R3HDM1: variants seen among roughly 807,000 people sequenced by gnomAD.
The protein encoded by R3HDM1 is R3H domain containing 1, also known as R3H domain-containing protein 1.
Under a neutral mutation model 141.1 loss-of-function variants are expected in R3HDM1, and 46 were observed. The ratio of observed to expected loss-of-function variants is 0.33; its 90% CI spans 0.26 to 0.42. The LOEUF (loss-of-function observed/expected upper bound fraction) is 0.42. Ranked by LOEUF, R3HDM1 falls within the 10% of genes least tolerant of loss-of-function variation. The pLI is 1.00. For synonymous variants in R3HDM1, 435 were observed against 472.9 expected, an observed-to-expected ratio of 0.92 and a Z score of 1.04; for missense variants, 1,184 against 1,368.3, an observed-to-expected ratio of 0.87 and a Z score of 2.12.
chr2:135,582,785 A>G (rs1049661672), intron 1 of R3HDM1, among the ~76,000 whole-genome samples: 1 of 152,166 alleles, frequency 6.6e-6, no homozygotes, highest in Non-Finnish European at 1.5e-5. Flanking sequence ...TTATTGCTAT[A>G]TAATGGTCTC....
intron 18 of R3HDM1, among the ~76,000 whole-genome samples, chr2:135,659,515 G>A (rs1025639484): frequency 6.6e-6 from 1 of 151,530 alleles, no homozygotes; most frequent in Non-Finnish European, 1.5e-5. Context: ...ACTGCTCACT[G>A]CAGCTGTGAC....
chr2:135,614,300 CT>C (rs201926088), intron 3 of R3HDM1, among the ~76,000 whole-genome samples: 8 of 152,094 alleles, frequency 5.3e-5, no homozygotes, highest in Admixed American at 1.3e-4. Context: ...ATTTTATAGA[CT>C]TTTTTTTAAA....
Position 135,651,263 on chromosome 2 carries a change from A to G in R3HDM1, c.1726-467A>G, listed in dbSNP as rs186325536. 4.1e-6 allele frequency: 4 copies of G among 985,254 alleles called. No homozygotes were observed. The East Asian group carries it at 4.5e-4, about 112-fold the overall frequency. The allele number at this position is 985,254 out of a possible 1,614,324, so 61.0% of individuals were successfully genotyped here. On this transcript the variant is annotated intron_variant, in intron 17 of 26. Transcript: ENST00000683871. ...GCAAATAATTTTCGTGGTTAGGGAT[A>G]CAAAAATGCATAGAATTTGCATTTT...
chr2:135,611,927 G>A (rs28513772), intron 3 of R3HDM1, among the ~76,000 whole-genome samples: 15,787 of 152,134 alleles, frequency 0.1, 2,654 homozygotes, highest in African/African-American at 0.36. Flanking sequence ...CATCACCAGT[G>A]GGATGGGATG....
chr2:135,559,136 G>A, intron 1 of R3HDM1: 1 of 814,222 alleles, frequency 1.2e-6, no homozygotes, highest in Non-Finnish European at 1.5e-6. Flanking sequence ...GTCGGAGACA[G>A]GGCCTCGCTT....
intron 21 of R3HDM1, among the ~76,000 whole-genome samples, chr2:135,693,868 G>A (rs868126600): frequency 4.6e-5 from 7 of 152,148 alleles, no homozygotes; most frequent in Middle Eastern, 3.4e-3. Context: ...AGCCGGGCTT[G>A]GTGGCACCCG....
At chr2:135,655,454 A>G (rs979580072) in intron 18 of R3HDM1, among the ~76,000 whole-genome samples, 5 of 150,702 alleles carry the variant, frequency 3.3e-5, no homozygotes, top group Non-Finnish European at 5.9e-5. Context: ...AAGAGTGAGT[A>G]CTCCTACTCT....
rs537869765 is a variant in R3HDM1, at chr2:135,700,538, AG to A, written c.2460-8893del. 1.7e-4 allele frequency among the ~76,000 whole-genome samples: 26 copies of A among 152,364 alleles called. 1 individual carries two copies. In the South Asian group the frequency reaches 5.4e-3, roughly 32 times the overall value. On this transcript the variant is annotated intron_variant, in intron 21 of 26. Transcript: ENST00000683871. ...CAATAAGATGTAGGGTGGTTTAAAAAGGCAGAAAACCAAATGACTTAACACA... is the reference window on the plus strand; with the variant it reads ...CAATAAGATGTAGGGTGGTTTAAAAAGCAGAAAACCAAATGACTTAACACA...
At chr2:135,547,269 C>T (rs1698889444) in intron 1 of R3HDM1, among the ~76,000 whole-genome samples, 1 of 152,106 alleles carries the variant, frequency 6.6e-6, no homozygotes, top group South Asian at 2.1e-4. Flanking sequence ...AGTACATGCA[C>T]ATAGAAATCA....
Position 135,602,700 on chromosome 2 carries a change from A to G in R3HDM1, c.-49A>G. On this transcript the variant is annotated 5_prime_UTR_variant, in exon 2 of 27. Transcript: ENST00000683871. ...GACACCACAATCCCAAATCCAAAGG[A>G]CGCATCAGGTAATGCTTCCCTGTCA... The G allele has an allele frequency of 1.3e-6, 2 of 1,517,524 alleles. No homozygotes were observed. Among genetic ancestry groups the G allele is most frequent in the Non-Finnish European group, 1.8e-6 (2 of 1,135,802 alleles). 94.0% of individuals were successfully genotyped at this position (1,517,524 alleles called of 1,614,324 possible). A position where few individuals can be genotyped will look rare whatever the true frequency, so the allele number is the denominator to read the frequency against.
At position 135,634,631 on chromosome 2, in the gene R3HDM1, G is replaced by A. The variant is rs368524450; in HGVS notation, c.699-1259G>A. ...GGCACTCCAGCCTGGGTGACAGAGT[G>A]AGACTCTGTCTCTAAAAAATTTTTT... On this transcript the variant is annotated intron_variant, in intron 9 of 26. Transcript: ENST00000683871. 1.3e-4 allele frequency among the ~76,000 whole-genome samples: 20 copies of A among 152,246 alleles called. 1 individual carries two copies. The East Asian group carries it at 3.3e-3, about 25-fold the overall frequency.
At chr2:135,675,541 G>A (rs2069035437) in intron 20 of R3HDM1, 55 bp downstream of exon 20, 11 of 1,498,396 alleles carry the variant, frequency 7.3e-6, no homozygotes, top group East Asian at 4.5e-5. Flanking sequence ...TAAATTAAGT[G>A]CACAACTACA....
chr2:135,536,561 T>C, intron 1 of R3HDM1: 1 of 921,250 alleles, frequency 1.1e-6, no homozygotes, highest in Non-Finnish European at 1.3e-6. Flanking sequence ...GTAGAGAAAA[T>C]AAACTACATT....
At chr2:135,576,660 A>G (rs1474521418) in intron 1 of R3HDM1, among the ~76,000 whole-genome samples, 1 of 152,244 alleles carries the variant, frequency 6.6e-6, no homozygotes. Context: ...ACAATGAAAC[A>G]TATTTCAGCA....
chr2:135,704,512 C>G (rs1450949804), intron 21 of R3HDM1, among the ~76,000 whole-genome samples: 1 of 151,450 alleles, frequency 6.6e-6, no homozygotes, highest in Non-Finnish European at 1.5e-5. Context: ...TCTCTTTCGC[C>G]CAGGCCAGAC....
chr2:135,627,048 T>C (rs1456968083), intron 7 of R3HDM1, among the ~76,000 whole-genome samples: 1 of 152,246 alleles, frequency 6.6e-6, no homozygotes, highest in Non-Finnish European at 1.5e-5. Flanking sequence ...ATAATTCGTG[T>C]AATGGCTAAT....
At chr2:135,663,168 T>C (rs1574834293) in intron 19 of R3HDM1, among the ~76,000 whole-genome samples, 1 of 149,626 alleles carries the variant, frequency 6.7e-6, no homozygotes, top group South Asian at 2.1e-4. Context: ...TGACACTTAA[T>C]AGAATTCAAC....
chr2:135,611,816 G>A (rs923139818), intron 3 of R3HDM1, among the ~76,000 whole-genome samples: 6 of 151,946 alleles, frequency 3.9e-5, no homozygotes, highest in East Asian at 1.9e-4. Context: ...TACTTTTCAC[G>A]GTGCTTTCTT....
At chr2:135,605,922 G>A (rs1462496860) in intron 3 of R3HDM1, 9 of 152,130 alleles carry the variant, frequency 5.9e-5, no homozygotes, top group Non-Finnish European at 1.2e-4. Flanking sequence ...GAGCTCCGGC[G>A]ATCCGCCCAC....
Sources: gnomAD v4.1 joint callset for allele counts (sites outside exome capture counted in the v4.1 genomes callset) on GRCh38, gnomAD v4.1.1 for gene constraint, MANE v1.5 for transcripts, NCBI Gene and HGNC (gene_info 2026-07-23, HGNC 2026-07-21) for gene names.